GRID2: variants seen among roughly 807,000 people sequenced by gnomAD.
GRID2 encodes glutamate ionotropic receptor delta type subunit 2, also known as glutamate receptor ionotropic, delta-2.
A neutral mutation model predicts 114.8 loss-of-function variants in GRID2; 33 were observed. That is an observed-to-expected ratio of 0.29 (90% confidence interval 0.22 to 0.38). GRID2 has a LOEUF of 0.38. GRID2 is among the 10% of genes least tolerant of loss of function. GRID2 has a pLI of 1.00. For synonymous variants in GRID2, 505 were observed against 449.9 expected (o/e 1.12, Z -1.55); for missense variants, 1,184 against 1,257.7 (o/e 0.94, Z 0.89).
At chr4:93,245,356 A>G (rs75213520) in intron 8 of GRID2, among the ~76,000 whole-genome samples, 18,253 of 152,150 alleles carry the variant, frequency 0.12, 2,181 homozygotes, top group African/African-American at 0.29. Flanking sequence ...TAAATTAACC[A>G]GAATGTTAGT....
chr4:93,672,319 C>T (rs937282197), intron 14 of GRID2, among the ~76,000 whole-genome samples: 1 of 152,202 alleles, frequency 6.6e-6, no homozygotes, highest in African/African-American at 2.4e-5. Context: ...CAAGGGTGGC[C>T]AAGGGAATAG....
intron 8 of GRID2, among the ~76,000 whole-genome samples, chr4:93,314,303 C>CAAAA (rs56977080): frequency 6.3e-4 from 34 of 54,118 alleles, no homozygotes; most frequent in South Asian, 1.7e-3. Context: ...GAGTCTGTCT[C>CAAAA]AAAAAAAAAA....
intron 4 of GRID2, among the ~76,000 whole-genome samples, chr4:93,172,717 G>A (rs1738962256): frequency 6.6e-6 from 1 of 152,052 alleles, no homozygotes; most frequent in South Asian, 2.1e-4. Flanking sequence ...TTTAAAAAGA[G>A]TTATAGCTAT....
At chr4:93,754,142 T>G (rs997984595) in intron 14 of GRID2, among the ~76,000 whole-genome samples, 2 of 152,090 alleles carry the variant, frequency 1.3e-5, no homozygotes, top group African/African-American at 4.8e-5. Context: ...CATAAAAAGA[T>G]AAAGTAAAAA....
At chr4:92,352,899 T>C (rs1728140623) in intron 1 of GRID2, among the ~76,000 whole-genome samples, 3 of 151,958 alleles carry the variant, frequency 2.0e-5, no homozygotes. Context: ...TTTTCAGATT[T>C]CTAGATGCTT....
intron 8 of GRID2, among the ~76,000 whole-genome samples, chr4:93,361,664 A>C (rs890040841): frequency 2.0e-5 from 3 of 151,894 alleles, no homozygotes; most frequent in Admixed American, 2.0e-4. Context: ...ATCTGCATCT[A>C]GTTCAGTGAT....
intron 14 of GRID2, among the ~76,000 whole-genome samples, chr4:93,766,589 C>T (rs2110328040): frequency 6.6e-6 from 1 of 152,290 alleles, no homozygotes; most frequent in South Asian, 2.1e-4. Flanking sequence ...AGCAGGATAA[C>T]AGGATCTCAT....
chr4:93,787,647 G>C (rs1198997542), intron 1 of GRID2, among the ~76,000 whole-genome samples: 1 of 152,108 alleles, frequency 6.6e-6, no homozygotes, highest in African/African-American at 2.4e-5. Flanking sequence ...CATAATGAAA[G>C]AAAATTGAGG....
chr4:93,748,199 CAG>C (rs1344964803), intron 14 of GRID2, among the ~76,000 whole-genome samples: 2 of 152,092 alleles, frequency 1.3e-5, no homozygotes, highest in African/African-American at 2.4e-5. Flanking sequence ...AGACATTATA[CAG>C]AGAGACACTG....
chr4:93,026,877 C>CA (rs1008148420), intron 2 of GRID2, among the ~76,000 whole-genome samples: 1 of 151,600 alleles, frequency 6.6e-6, no homozygotes, highest in Non-Finnish European at 1.5e-5. Context: ...TTTAAAAATA[C>CA]AAAAAAATGA....
chr4:93,662,035 C>T (rs1407764212), intron 14 of GRID2, among the ~76,000 whole-genome samples: 1 of 152,220 alleles, frequency 6.6e-6, no homozygotes, highest in East Asian at 1.9e-4. Context: ...CTTGCTCATT[C>T]TGTTCCAGCT....
At chr4:92,957,183 T>A (rs1168824075) in intron 2 of GRID2, among the ~76,000 whole-genome samples, 1 of 152,162 alleles carries the variant, frequency 6.6e-6, no homozygotes, top group Admixed American at 6.6e-5. Context: ...AATTTTTCTT[T>A]CATGAATCAT....
intron 8 of GRID2, among the ~76,000 whole-genome samples, chr4:93,272,403 G>C (rs1472025387): frequency 7.2e-5 from 11 of 152,164 alleles, no homozygotes; most frequent in Admixed American, 7.2e-4. Flanking sequence ...TACTAGAGCT[G>C]GGCTGAGCAG....
chr4:92,535,332 CATTTCTCTTTGTACTACA>C (rs1384538908), intron 1 of GRID2, among the ~76,000 whole-genome samples: 1 of 152,096 alleles, frequency 6.6e-6, no homozygotes, highest in African/African-American at 2.4e-5. Context: ...TTCTTATAAA[CATTTCTCTTTGTACTACA>C]ATATTCTCTT....
At chr4:92,648,662 G>A (rs1731764156) in intron 2 of GRID2, among the ~76,000 whole-genome samples, 1 of 149,124 alleles carries the variant, frequency 6.7e-6, no homozygotes, top group Admixed American at 6.7e-5. Flanking sequence ...ACAAGCGGTT[G>A]ATAAAGGAGA....
chr4:92,348,940 C>A (rs138839835), intron 1 of GRID2, among the ~76,000 whole-genome samples: 11 of 151,610 alleles, frequency 7.3e-5, no homozygotes, highest in Middle Eastern at 3.2e-3. Context: ...AATTGGTGGA[C>A]CTAAGAGAGT....
intron 2 of GRID2, among the ~76,000 whole-genome samples, chr4:92,677,797 G>A (rs976116665): frequency 6.6e-6 from 1 of 151,776 alleles, no homozygotes; most frequent in Non-Finnish European, 1.5e-5. Context: ...GCAAGCTTTT[G>A]TTTGTTTGTT....
At chr4:93,356,390 AT>A (rs941850757) in intron 8 of GRID2, among the ~76,000 whole-genome samples, 20 of 151,072 alleles carry the variant, frequency 1.3e-4, no homozygotes, top group Non-Finnish European at 2.4e-4. Context: ...TTTTATGATT[AT>A]TTTTTTCTCA....
intron 14 of GRID2, among the ~76,000 whole-genome samples, chr4:93,727,895 G>GCTAGC (rs1259918751): frequency 6.6e-6 from 1 of 151,842 alleles, no homozygotes; most frequent in East Asian, 1.9e-4. Flanking sequence ...TATTAGTCTT[G>GCTAGC]CTAGCAGTCT....
Sources: gnomAD v4.1 joint callset for allele counts (sites outside exome capture counted in the v4.1 genomes callset) on GRCh38, gnomAD v4.1.1 for gene constraint, MANE v1.5 for transcripts, NCBI Gene and HGNC (gene_info 2026-07-23, HGNC 2026-07-21) for gene names.